Variants in ABTB3 observed in about 807,000 individuals in gnomAD.
The protein encoded by ABTB3 is ankyrin repeat- and BTB/POZ domain-containing protein 3.
the ABTB3 span, among the ~76,000 whole-genome samples, chr12:107,566,163 C>G: frequency 6.6e-6 from 1 of 152,158 alleles, no homozygotes; most frequent in Non-Finnish European, 1.5e-5. Context: ...TTTTCCTGCT[C>G]TTATCTTTTC....
chr12:107,365,203 A>C, the ABTB3 span, among the ~76,000 whole-genome samples: 1 of 152,312 alleles, frequency 6.6e-6, no homozygotes, highest in Admixed American at 6.5e-5. Context: ...TGTGATAATT[A>C]AATAAGATAA....
At chr12:107,504,063 C>T in the ABTB3 span, among the ~76,000 whole-genome samples, 1 of 152,148 alleles carries the variant, frequency 6.6e-6, no homozygotes, top group South Asian at 2.1e-4. Context: ...CCAAGGGCTC[C>T]TGGCCTTGGG....
At chr12:107,621,398 C>G in the ABTB3 span, among the ~76,000 whole-genome samples, 1 of 152,188 alleles carries the variant, frequency 6.6e-6, no homozygotes, top group East Asian at 1.9e-4. Flanking sequence ...AGACTTTCAC[C>G]TGAAATCACC....
At chr12:107,491,777 C>T in the ABTB3 span, among the ~76,000 whole-genome samples, 3 of 147,290 alleles carry the variant, frequency 2.0e-5, no homozygotes, top group African/African-American at 7.7e-5. Context: ...GAGCGGAGAT[C>T]ACGTCACCGC....
chr12:107,606,791 A>G, the ABTB3 span, among the ~76,000 whole-genome samples: 1 of 152,312 alleles, frequency 6.6e-6, no homozygotes, highest in Non-Finnish European at 1.5e-5. Flanking sequence ...TAGTGAGTCA[A>G]ATCTGATACC....
At chr12:107,349,300 C>T in the ABTB3 span, among the ~76,000 whole-genome samples, 1 of 152,154 alleles carries the variant, frequency 6.6e-6, no homozygotes, top group Non-Finnish European at 1.5e-5. Flanking sequence ...GAAGCTGGCC[C>T]TTTCCCAAGA....
chr12:107,581,758 T>C, the ABTB3 span, among the ~76,000 whole-genome samples: 1 of 152,170 alleles, frequency 6.6e-6, no homozygotes, highest in Non-Finnish European at 1.5e-5. Flanking sequence ...TCCAGGGCTC[T>C]CCTCTGTCAA....
the ABTB3 span, among the ~76,000 whole-genome samples, chr12:107,535,420 C>G: frequency 6.6e-6 from 1 of 152,082 alleles, no homozygotes; most frequent in East Asian, 1.9e-4. Context: ...GAAGCCCTAA[C>G]AAGCAATTAA....
the ABTB3 span, among the ~76,000 whole-genome samples, chr12:107,576,472 G>C: frequency 2.6e-5 from 4 of 152,130 alleles, no homozygotes; most frequent in Non-Finnish European, 5.9e-5. Context: ...ACACAACCCT[G>C]GTGTCTCTCG....
the ABTB3 span, among the ~76,000 whole-genome samples, chr12:107,547,830 G>T: frequency 6.6e-6 from 1 of 152,220 alleles, no homozygotes; most frequent in Admixed American, 6.5e-5. Context: ...TGTGAGCAAT[G>T]AATTAGACAT....
the ABTB3 span, among the ~76,000 whole-genome samples, chr12:107,635,924 A>G: frequency 7.0e-6 from 1 of 143,440 alleles, no homozygotes; most frequent in Non-Finnish European, 1.5e-5. Flanking sequence ...GAGGGGACAT[A>G]CCTGAGCGGC....
chr12:107,448,552 G>T, the ABTB3 span, among the ~76,000 whole-genome samples: 1 of 152,120 alleles, frequency 6.6e-6, no homozygotes, highest in Non-Finnish European at 1.5e-5. Context: ...CAAGCCCAAG[G>T]CATGGTGTGC....
At chr12:107,511,157 C>T in the ABTB3 span, among the ~76,000 whole-genome samples, 1 of 152,160 alleles carries the variant, frequency 6.6e-6, no homozygotes, top group Non-Finnish European at 1.5e-5. Context: ...AGATTCTTCC[C>T]TAGGCCAGGC....
the ABTB3 span, among the ~76,000 whole-genome samples, chr12:107,463,852 GC>G: frequency 1.1e-4 from 16 of 152,086 alleles, no homozygotes; most frequent in Non-Finnish European, 1.6e-4. Flanking sequence ...TTCAATCTTT[GC>G]TTTTAGAGAA....
the ABTB3 span, among the ~76,000 whole-genome samples, chr12:107,335,959 C>T: frequency 1.3e-5 from 2 of 152,184 alleles, no homozygotes; most frequent in Non-Finnish European, 2.9e-5. Flanking sequence ...AGATGACTCT[C>T]CCTTCCTCCT....
chr12:107,360,623 A>G, the ABTB3 span, among the ~76,000 whole-genome samples: 1 of 152,318 alleles, frequency 6.6e-6, no homozygotes, highest in South Asian at 2.1e-4. Context: ...TTAACTGGCA[A>G]AGTCAGGGAA....
At chr12:107,387,789 G>C in the ABTB3 span, among the ~76,000 whole-genome samples, 1 of 152,048 alleles carries the variant, frequency 6.6e-6, no homozygotes, top group South Asian at 2.1e-4. Flanking sequence ...TCTGGGACTT[G>C]GTAGTTTTTG....
At chr12:107,505,651 C>T in the ABTB3 span, among the ~76,000 whole-genome samples, 3 of 151,548 alleles carry the variant, frequency 2.0e-5, no homozygotes, top group African/African-American at 7.3e-5. Flanking sequence ...GCCTAGTATT[C>T]ATTAGTTCTT....
chr12:107,485,807 G>C, the ABTB3 span, among the ~76,000 whole-genome samples: 141 of 152,216 alleles, frequency 9.3e-4, 1 homozygote, highest in Middle Eastern at 3.4e-3. Flanking sequence ...ATGTCTTAGG[G>C]TCATCTAAAG....
Sources: allele counts gnomAD v4.1 joint callset (sites outside exome capture counted in the v4.1 genomes callset), GRCh38; gene constraint gnomAD v4.1.1; transcripts MANE v1.5; gene names NCBI Gene and HGNC (gene_info 2026-07-23, HGNC 2026-07-21).